Variants in SYCP2L observed in about 807,000 individuals in gnomAD.
SYCP2L encodes the protein synaptonemal complex protein 2-like.
In SYCP2L, 98 loss-of-function variants were observed where a neutral mutation model predicts 125.8. The observed-to-expected ratio is 0.78, with a 90% CI of 0.66 to 0.92. The LOEUF (loss-of-function observed/expected upper bound fraction) is 0.92, where lower values mean the gene tolerates loss of function less well. Among genes scored for constraint, SYCP2L ranks in the 40% least tolerant of loss-of-function variants. The pLI is 0.00. For synonymous variants in SYCP2L, 317 were observed against 325.4 expected (o/e 0.97, Z 0.28); for missense variants, 842 against 936.4 (o/e 0.90, Z 1.32).
At chr6:10,925,386 C>A (rs1780879451) in intron 15 of SYCP2L, among the ~76,000 whole-genome samples, 1 of 152,156 alleles carries the variant, frequency 6.6e-6, no homozygotes, top group African/African-American at 2.4e-5. Flanking sequence ...GGGACTTTTT[C>A]CACAGTTGTA....
intron 23 of SYCP2L, among the ~76,000 whole-genome samples, chr6:10,951,707 G>A (rs1324545634): frequency 2.6e-5 from 4 of 152,154 alleles, no homozygotes; most frequent in Admixed American, 6.5e-5. Flanking sequence ...GGATCTTTTG[G>A]TAGATTCTGT....
At chr6:10,889,098 G>T (rs1780133084) in intron 1 of SYCP2L, among the ~76,000 whole-genome samples, 1 of 152,144 alleles carries the variant, frequency 6.6e-6, no homozygotes, top group African/African-American at 2.4e-5. Context: ...CTGACCTCAT[G>T]ATATGCCCGC....
chr6:10,939,849 T>C (rs551301428), intron 21 of SYCP2L, among the ~76,000 whole-genome samples: 1 of 152,218 alleles, frequency 6.6e-6, no homozygotes, highest in Non-Finnish European at 1.5e-5. Context: ...CTTTTGGGAC[T>C]ATGTCATACT....
At chr6:10,907,892 G>GTTTTTTCTTTTTTTTTTTTT (rs1780526714) in intron 10 of SYCP2L, among the ~76,000 whole-genome samples, 1 of 91,922 alleles carries the variant, frequency 1.1e-5, no homozygotes, top group African/African-American at 4.1e-5. Context: ...ATACAGATAG[G>GTTTTTTCTTTTTTTTTTTTT]TTTTTTTTTT....
intron 1 of SYCP2L, 34 bp downstream of exon 1, chr6:10,887,169 C>T: frequency 6.2e-7 from 1 of 1,613,980 alleles, no homozygotes; most frequent in Non-Finnish European, 8.5e-7. Flanking sequence ...GACCTTCTGT[C>T]CACAGTGCTA....
chr6:10,910,742 AT>A, intron 11 of SYCP2L, 81 bp from the exon 12 acceptor site: 2 of 1,447,630 alleles, frequency 1.4e-6, no homozygotes, highest in Non-Finnish European at 1.9e-6. Flanking sequence ...TACTCTAGTT[AT>A]AAGTGCTTGT....
At chr6:10,922,481 T>C (rs1350737419) in intron 14 of SYCP2L, among the ~76,000 whole-genome samples, 1 of 151,474 alleles carries the variant, frequency 6.6e-6, no homozygotes, top group African/African-American at 2.4e-5. Context: ...TTTTTTTTTT[T>C]TTGAGACGAA....
At chr6:10,961,271 T>C (rs767465532) in intron 26 of SYCP2L, 34 bp from the exon 27 acceptor site, 182 of 1,554,830 alleles carry the variant, frequency 1.2e-4, no homozygotes, top group Non-Finnish European at 1.6e-5. Flanking sequence ...ATCCAAGCGA[T>C]CCCAATGATA....
At position 10,926,387 on chromosome 6, in the gene SYCP2L, G is replaced by C. The variant is rs766268032; in HGVS notation, c.1267G>C (p.Asp423His). The change falls in exon 16 of 30, where the codon GAT becomes CAT. Residue 423 changes from aspartate to histidine, a missense_variant. Physicochemically the swap from Asp to His is moderately conservative, Grantham distance 81 (BLOSUM62 -1). Coordinates refer to ENST00000283141, the MANE Select transcript of SYCP2L (RefSeq NM_001040274.3). The stretch of plus-strand genomic sequence containing the variant: ...CTCCTCAGAACTTTTTAGTAAGTCT[G>C]ATAAAGAAGACAGGGAGAGTCCCAG... ...KISSELFSKS[D>H]KEDRESPSGL... The C allele has an allele frequency of 6.2e-7, 1 of 1,613,798 alleles. No individual in the cohort carries two copies.
intron 4 of SYCP2L, among the ~76,000 whole-genome samples, chr6:10,897,244 A>G (rs1161818839): frequency 6.6e-6 from 1 of 152,166 alleles, no homozygotes; most frequent in Non-Finnish European, 1.5e-5. Context: ...ATTAGCTGGA[A>G]GCTTTTTAAC....
rs989552386 is a variant in SYCP2L, at chr6:10,887,263, C to A, written c.9+128C>A. 6.4e-6 allele frequency: 8 copies of A among 1,246,764 alleles called. No individual in the cohort carries two copies. The Admixed American group carries it at 1.0e-4, about 16-fold the overall frequency. The allele number at this position is 1,246,764 out of a possible 1,614,324, so 77.2% of individuals were successfully genotyped here. The stretch of plus-strand genomic sequence containing the variant: ...TCAGAGACCGGGTGCTGGGCATAGT[C>A]CCCCGCCACCTCCTTGGGTTTGCTC... On this transcript the variant is annotated intron_variant, in intron 1 of 29. Transcript: ENST00000283141.
intron 23 of SYCP2L, among the ~76,000 whole-genome samples, chr6:10,951,328 A>T (rs1291216765): frequency 6.6e-6 from 1 of 152,108 alleles, no homozygotes; most frequent in African/African-American, 2.4e-5. Context: ...CTGGAGGCTG[A>T]CATGGGGGTG....
intron 21 of SYCP2L, among the ~76,000 whole-genome samples, chr6:10,938,334 A>G (rs1781143037): frequency 6.6e-6 from 1 of 152,248 alleles, no homozygotes; most frequent in South Asian, 2.1e-4. Flanking sequence ...ATAGATGCAA[A>G]AAAAGCATTT....
intron 20 of SYCP2L, among the ~76,000 whole-genome samples, chr6:10,933,771 T>C (rs1423860576): frequency 6.6e-6 from 1 of 152,180 alleles, no homozygotes; most frequent in African/African-American, 2.4e-5. Flanking sequence ...TCAGTAAAAA[T>C]GCAGTCAGAA....
chr6:10,905,515 C>T (rs1780473438), intron 8 of SYCP2L, among the ~76,000 whole-genome samples: 1 of 152,158 alleles, frequency 6.6e-6, no homozygotes, highest in Non-Finnish European at 1.5e-5. Flanking sequence ...TGGTCTCGAA[C>T]TCCGAACCTC....
intron 6 of SYCP2L, among the ~76,000 whole-genome samples, chr6:10,901,968 C>G (rs1780382134): frequency 6.6e-6 from 1 of 152,204 alleles, no homozygotes. Context: ...CTTCCTGGTT[C>G]ACATCTGGGG....
chr6:10,956,314 C>T, intron 25 of SYCP2L, 72 bp downstream of exon 25: 1 of 1,107,782 alleles, frequency 9.0e-7, no homozygotes, highest in Admixed American at 1.9e-5. Flanking sequence ...TGAAATAAGC[C>T]AGACAGTACC....
intron 20 of SYCP2L, among the ~76,000 whole-genome samples, chr6:10,934,189 T>C: frequency 6.6e-6 from 1 of 152,250 alleles, no homozygotes; most frequent in East Asian, 1.9e-4. Flanking sequence ...TGGTTTTTAT[T>C]AATGTATTTA....
intron 18 of SYCP2L, among the ~76,000 whole-genome samples, chr6:10,929,190 C>T (rs887939986): frequency 6.6e-5 from 10 of 152,320 alleles, no homozygotes; most frequent in East Asian, 1.9e-4. Flanking sequence ...CACACCTGGC[C>T]GCACCCGGCT....
Sources: gnomAD v4.1 joint callset for allele counts (sites outside exome capture counted in the v4.1 genomes callset) on GRCh38, gnomAD v4.1.1 for gene constraint, MANE v1.5 for transcripts, NCBI Gene and HGNC (gene_info 2026-07-23, HGNC 2026-07-21) for gene names.